SV2B: variants seen among roughly 807,000 people sequenced by gnomAD.
SV2B encodes the protein solute carrier family 22 member B2.
Under a neutral mutation model 73.9 loss-of-function variants are expected in SV2B, and 41 were observed. That is an observed-to-expected ratio of 0.56 (90% CI 0.43 to 0.72). The LOEUF is 0.72. Ranked by LOEUF, SV2B falls within the 30% of genes least tolerant of loss-of-function variation. The pLI is 0.00. For missense variants in SV2B, 764 were observed against 857.8 expected, an observed-to-expected ratio of 0.89 and a Z score of 1.37; for synonymous variants, 314 against 314.2, an observed-to-expected ratio of 1.00 and a Z score of 0.01.
At chr15:91,198,382 G>T (rs529715184) in intron 1 of SV2B, among the ~76,000 whole-genome samples, 3 of 151,720 alleles carry the variant, frequency 2.0e-5, no homozygotes, top group South Asian at 2.1e-4. Flanking sequence ...ATTACCTTCG[G>T]CACTGAACGG....
At chr15:91,285,875 G>A (rs893801093) in intron 11 of SV2B, among the ~76,000 whole-genome samples, 1 of 152,122 alleles carries the variant, frequency 6.6e-6, no homozygotes, top group Non-Finnish European at 1.5e-5. Context: ...CACAGAAGTG[G>A]GGTGGGGGTG....
At chr15:91,204,443 T>C (rs2045564505) in intron 1 of SV2B, among the ~76,000 whole-genome samples, 1 of 152,148 alleles carries the variant, frequency 6.6e-6, no homozygotes, top group African/African-American at 2.4e-5. Flanking sequence ...GAATAAAATT[T>C]AACCCACATT....
chr15:91,099,694 G>T (rs550124774), upstream of SV2B, among the ~76,000 whole-genome samples: 4 of 152,312 alleles, frequency 2.6e-5, no homozygotes, highest in South Asian at 8.3e-4. Context: ...TGGCCGGGTA[G>T]GTTCTCTTCA....
Position 91,231,622 on chromosome 15 carries a change from C to T in SV2B, c.451+4908C>T, listed in dbSNP as rs555100739. ...TCTGCCTGCATTTGATAAATTGACA[C>T]CAATTTTTCACAACTGCAAATAAGC... is the stretch of plus-strand genomic sequence containing the variant. On this transcript the variant is annotated intron_variant, in intron 2 of 12. Coordinates refer to ENST00000394232, the MANE Select transcript of SV2B (RefSeq NM_001323032.3). This position sits in a 1 kb window ranked among gnomAD's most constrained non-coding sequence, Gnocchi z 4.5. Among the ~76,000 whole-genome samples, 1 of 152,120 alleles carries T rather than the reference C, an allele frequency of 6.6e-6. No individual in the cohort carries two copies. Among genetic ancestry groups the T allele is most frequent in the Non-Finnish European group, 1.5e-5 (1 of 68,030 alleles).
At position 91,128,807 on chromosome 15, in the gene SV2B, A is replaced by C. The variant is rs371003275; in HGVS notation, c.-392+28444A>C. On this transcript the variant is annotated intron_variant, in intron 1 of 12. Coordinates refer to ENST00000394232, the MANE Select transcript of SV2B (RefSeq NM_001323032.3). The surrounding 1 kb of genome is among the most constrained non-coding windows in gnomAD (Gnocchi z 4.2). Reference sequence around the variant, plus strand: ...CCCAGAGATGACCAGAGGAATCTAGACAGGTAGGTCTTCTGGGTTTCCTCA... The same window carrying C: ...CCCAGAGATGACCAGAGGAATCTAGCCAGGTAGGTCTTCTGGGTTTCCTCA... The C allele has an allele frequency of 6.6e-6, 1 of 152,446 alleles. No individual in the cohort carries two copies. Among genetic ancestry groups the C allele is most frequent in the African/African-American group, 2.4e-5 (1 of 41,584 alleles). The allele number at this position is 152,446 out of a possible 1,614,324, so 9.4% of individuals were successfully genotyped here.
intron 1 of SV2B, among the ~76,000 whole-genome samples, chr15:91,126,288 C>T (rs540964989): frequency 1.3e-5 from 2 of 152,340 alleles, no homozygotes; most frequent in South Asian, 4.1e-4. Context: ...ACTCTGTGTT[C>T]CTGAGCCTCC....
intron 1 of SV2B, among the ~76,000 whole-genome samples, chr15:91,101,440 T>G (rs1755962807): frequency 6.6e-6 from 1 of 152,048 alleles, no homozygotes; most frequent in African/African-American, 2.4e-5. Flanking sequence ...GAGCACTTAG[T>G]ATTTGTCAGA....
chr15:91,121,544 T>G lies in SV2B; in HGVS notation c.-392+21181T>G, dbSNP rs1349014757. Among the ~76,000 whole-genome samples, 1 of 152,134 alleles carries G rather than the reference T, an allele frequency of 6.6e-6. No individual in the cohort carries two copies. Among genetic ancestry groups the G allele is most frequent in the East Asian group, 1.9e-4 (1 of 5,196 alleles). ...GTCATTATTTTTTACCTTTTTATAT[T>G]TTTTTCTTTTCTGTCTGAAGGTAGA... On this transcript the variant is annotated intron_variant, in intron 1 of 12. Coordinates refer to ENST00000394232, the MANE Select transcript of SV2B (RefSeq NM_001323032.3). This position sits in a 1 kb window ranked among gnomAD's most constrained non-coding sequence, Gnocchi z 4.4.
chr15:91,217,448 G>A (rs541091605), intron 1 of SV2B, among the ~76,000 whole-genome samples: 15 of 152,090 alleles, frequency 9.9e-5, no homozygotes, highest in Non-Finnish European at 1.6e-4. Context: ...ATAGCATTAG[G>A]AGATATACCT....
Position 91,221,693 on chromosome 15 carries a change from G to GCGCACACA in SV2B, c.-391-4179_-391-4178insGCACACAC, listed in dbSNP as rs370290337. Among the ~76,000 whole-genome samples the GCGCACACA allele has an allele frequency of 2.4e-3, 330 of 140,146 alleles. 3 individuals carry two copies. The highest frequency in any genetic ancestry group is 7.0e-3 in the African/African-American group (249 of 35,804). 91.9% of individuals were successfully genotyped at this position (140,146 alleles called of 152,430 possible). On this transcript the variant is annotated intron_variant, in intron 1 of 12. Transcript: ENST00000394232. ...CTGTGGACTATTACCAAGCATGTGC[G>GCGCACACA]CACACACACACACACACACACACAC...
chr15:91,182,016 A>G (rs2044598247), intron 1 of SV2B, among the ~76,000 whole-genome samples: 1 of 152,138 alleles, frequency 6.6e-6, no homozygotes, highest in Non-Finnish European at 1.5e-5. Context: ...GACATTTTGC[A>G]CTTCTTTTGT....
intron 1 of SV2B, among the ~76,000 whole-genome samples, chr15:91,191,057 G>GTTTTTTTTTTTTTT (rs1596551602): frequency 1.3e-5 from 1 of 78,202 alleles, no homozygotes; most frequent in Admixed American, 1.4e-4. Flanking sequence ...GGTTTTTTTG[G>GTTTTTTTTTTTTTT]TGTTTCTTTT....
At chr15:91,175,067 C>T (rs925810212) in intron 1 of SV2B, among the ~76,000 whole-genome samples, 3 of 152,162 alleles carry the variant, frequency 2.0e-5, no homozygotes, top group Admixed American at 1.3e-4. Flanking sequence ...ATATAGTGTC[C>T]TGTTCTGGTA....
chr15:91,138,918 A>G (rs191289563), intron 1 of SV2B, among the ~76,000 whole-genome samples: 3 of 152,338 alleles, frequency 2.0e-5, no homozygotes, highest in African/African-American at 7.2e-5. Flanking sequence ...ATAAATTATT[A>G]AAGAAAGTGA....
rs1039961452 is a variant in SV2B, at chr15:91,260,377, A to C, written c.976A>C (p.Arg326=). ...ILKQVHDTNM[R]AKGTPEKVFT... ...CAAGCAAGTCCATGACACCAACATG[A>C]GAGCTAAGGGGACCCCAGAGAAAGT... The change falls in exon 6 of 13, where the codon AGA becomes CGA. Residue 326 remains arginine, a synonymous_variant. Transcript: ENST00000394232. 1.2e-6 allele frequency: 2 copies of C among 1,613,522 alleles called. No homozygotes were observed. The highest frequency in any genetic ancestry group is 1.7e-6 in the Non-Finnish European group (2 of 1,179,850).
At chr15:91,278,941 T>C (rs1444508310) in intron 9 of SV2B, among the ~76,000 whole-genome samples, 1 of 152,164 alleles carries the variant, frequency 6.6e-6, no homozygotes, top group East Asian at 1.9e-4. Context: ...AGCCGTAGCC[T>C]TTATTTATTT....
Position 91,231,534 on chromosome 15 carries a change from T to C in SV2B, c.451+4820T>C, listed in dbSNP as rs2141513300. On this transcript the variant is annotated intron_variant, in intron 2 of 12. Coordinates refer to ENST00000394232, the MANE Select transcript of SV2B (RefSeq NM_001323032.3). The surrounding 1 kb of genome is among the most constrained non-coding windows in gnomAD (Gnocchi z 4.5). Reference sequence around the variant, plus strand: ...ATTAAATGGCAAAAACTGCAATTACTTTTGCACCAACCTATAGGATGACAA... The same window carrying C: ...ATTAAATGGCAAAAACTGCAATTACCTTTGCACCAACCTATAGGATGACAA... Among the ~76,000 whole-genome samples, 1 of 152,310 alleles carries C rather than the reference T, an allele frequency of 6.6e-6. No individual in the cohort carries two copies. Among genetic ancestry groups the C allele is most frequent in the East Asian group, 1.9e-4 (1 of 5,192 alleles).
At chr15:91,143,424 G>A (rs1596471122) in intron 1 of SV2B, among the ~76,000 whole-genome samples, 2 of 152,048 alleles carry the variant, frequency 1.3e-5, no homozygotes. Context: ...TGCTGGTGGC[G>A]CTTGCGGCGG....
intron 1 of SV2B, among the ~76,000 whole-genome samples, chr15:91,198,746 G>A (rs943260150): frequency 6.6e-6 from 1 of 152,204 alleles, no homozygotes; most frequent in African/African-American, 2.4e-5. Flanking sequence ...TCTTGCCCAG[G>A]GAGAATGGCT....
Sources: allele counts gnomAD v4.1 joint callset (sites outside exome capture counted in the v4.1 genomes callset), GRCh38; gene constraint gnomAD v4.1.1; non-coding constraint Gnocchi (gnomAD v3.1); transcripts MANE v1.5; gene names NCBI Gene and HGNC (gene_info 2026-07-23, HGNC 2026-07-21).